LOXL2: variants seen among roughly 807,000 people sequenced by gnomAD.
LOXL2 encodes lysyl oxidase like 2, also known as lysyl oxidase homolog 2.
In LOXL2, 70 loss-of-function variants were observed where a neutral mutation model predicts 93.0. The observed-to-expected ratio is 0.75, with a 90% CI of 0.62 to 0.92. LOXL2 has a LOEUF of 0.92. LOXL2 is among the 40% of genes least tolerant of loss of function. The pLI is 0.00. For synonymous variants in LOXL2, 438 were observed against 413.2 expected, an observed-to-expected ratio of 1.06 and a Z score of -0.73; for missense variants, 973 against 1,054.9, an observed-to-expected ratio of 0.92 and a Z score of 1.08.
intron 1 of LOXL2, among the ~76,000 whole-genome samples, chr8:23,383,979 T>A (rs985204262): frequency 2.0e-5 from 3 of 152,126 alleles, no homozygotes; most frequent in Non-Finnish European, 4.4e-5. Context: ...TTTCTAGATA[T>A]GAATTTTACC....
intron 1 of LOXL2, among the ~76,000 whole-genome samples, chr8:23,379,233 A>C (rs1468886472): frequency 6.7e-6 from 1 of 150,016 alleles, no homozygotes. Context: ...TATCAGCAGC[A>C]GAGGCTGCAG....
chr8:23,304,864 G>A (rs1803204100), intron 10 of LOXL2, among the ~76,000 whole-genome samples: 2 of 152,176 alleles, frequency 1.3e-5, no homozygotes, highest in African/African-American at 2.4e-5. Flanking sequence ...GTGGGGGCAC[G>A]GGGAACGGGG....
intron 1 of LOXL2, among the ~76,000 whole-genome samples, chr8:23,385,527 T>TG (rs1804747135): frequency 6.6e-6 from 1 of 152,092 alleles, no homozygotes; most frequent in Admixed American, 6.6e-5. Context: ...CCCAAAGTGC[T>TG]GGGATTACAG....
At chr8:23,305,904 C>T (rs528786072) in intron 10 of LOXL2, among the ~76,000 whole-genome samples, 26 of 151,892 alleles carry the variant, frequency 1.7e-4, no homozygotes, top group Non-Finnish European at 2.6e-4. Flanking sequence ...CTCTGTCTCC[C>T]GGGTTCAAGC....
intron 4 of LOXL2, among the ~76,000 whole-genome samples, chr8:23,335,447 A>G (rs1179579202): frequency 2.0e-5 from 3 of 152,204 alleles, no homozygotes; most frequent in East Asian, 1.9e-4. Context: ...TGTGAAATAA[A>G]TAAGTAAATA....
At chr8:23,299,580 G>GGA (rs1316846547) in intron 12 of LOXL2, among the ~76,000 whole-genome samples, 1 of 152,200 alleles carries the variant, frequency 6.6e-6, no homozygotes, top group East Asian at 1.9e-4. Flanking sequence ...ACATATTCTG[G>GGA]GAGAGTGTCT....
chr8:23,378,164 G>C (rs902756515), intron 1 of LOXL2, among the ~76,000 whole-genome samples: 1 of 152,158 alleles, frequency 6.6e-6, no homozygotes, highest in East Asian at 1.9e-4. Flanking sequence ...GCATTTGCTT[G>C]TCTGTAAAGG....
chr8:23,320,345 T>C (rs1563189363), intron 7 of LOXL2, among the ~76,000 whole-genome samples: 1 of 152,210 alleles, frequency 6.6e-6, no homozygotes, highest in Non-Finnish European at 1.5e-5. Flanking sequence ...GGGGCTGCTC[T>C]TTGGGAGGAT....
At chr8:23,397,620 T>C (rs975882978) in intron 1 of LOXL2, among the ~76,000 whole-genome samples, 1 of 151,596 alleles carries the variant, frequency 6.6e-6, no homozygotes, top group African/African-American at 2.4e-5. Context: ...CTACTAAAAA[T>C]AGAAAACATT....
intron 1 of LOXL2, among the ~76,000 whole-genome samples, chr8:23,397,134 T>C (rs1443389304): frequency 6.6e-6 from 1 of 152,226 alleles, no homozygotes; most frequent in African/African-American, 2.4e-5. Flanking sequence ...TCCACTTATA[T>C]GAAGTACCTA....
At chr8:23,327,467 C>A (rs1201846131) in intron 6 of LOXL2, among the ~76,000 whole-genome samples, 1 of 152,170 alleles carries the variant, frequency 6.6e-6, no homozygotes, top group Non-Finnish European at 1.5e-5. Context: ...CTGGACAGGC[C>A]ACCCCACCGC....
chr8:23,368,201 CG>C lies in LOXL2; in HGVS notation c.150del (p.Ala51ProfsTer73). On this transcript the variant is annotated frameshift_variant, in exon 2 of 14. Transcript: ENST00000389131. LOFTEE classifies it high-confidence loss of function. ...PAPEYHQPQA[P>X]ANVAKIQLRL... ...CGCAGCTGAATCTTGGCCACGTTGG[CG>C]GGGGCCTGGGGCTGGTGATACTCAG... is the stretch of plus-strand genomic sequence containing the variant. 6.2e-7 allele frequency: 1 copy of C among 1,613,988 alleles called. No homozygotes were observed. The highest frequency in any genetic ancestry group is 8.5e-7 in the Non-Finnish European group (1 of 1,180,024).
At chr8:23,311,670 G>A (rs1410322096) in intron 9 of LOXL2, among the ~76,000 whole-genome samples, 2 of 152,220 alleles carry the variant, frequency 1.3e-5, no homozygotes, top group Non-Finnish European at 2.9e-5. Flanking sequence ...AGAACTCCTA[G>A]GTGGCATCCT....
chr8:23,315,754 C>T (rs1282547911), intron 9 of LOXL2, among the ~76,000 whole-genome samples: 1 of 152,188 alleles, frequency 6.6e-6, no homozygotes, highest in East Asian at 1.9e-4. Flanking sequence ...AAATTAACCC[C>T]TCCCTGGCTC....
At chr8:23,378,859 T>G (rs1203733034) in intron 1 of LOXL2, among the ~76,000 whole-genome samples, 2 of 152,286 alleles carry the variant, frequency 1.3e-5, no homozygotes, top group African/African-American at 4.8e-5. Flanking sequence ...TTTTCAAGGT[T>G]TTTAGCTTAT....
chr8:23,303,885 G>A (rs965881523), intron 10 of LOXL2, among the ~76,000 whole-genome samples: 4 of 152,238 alleles, frequency 2.6e-5, no homozygotes, highest in Non-Finnish European at 4.4e-5. Context: ...TTAAGGGGGA[G>A]CAGCAGAAAG....
chr8:23,335,688 G>C (rs1803777735), intron 4 of LOXL2, among the ~76,000 whole-genome samples: 1 of 152,176 alleles, frequency 6.6e-6, no homozygotes, highest in African/African-American at 2.4e-5. Flanking sequence ...TAAGATGCCA[G>C]AAGGAGCCAG....
chr8:23,401,063 G>C (rs1800146869), intron 1 of LOXL2, among the ~76,000 whole-genome samples: 3 of 152,302 alleles, frequency 2.0e-5, no homozygotes, highest in South Asian at 2.1e-4. Context: ...TGGAGAACCA[G>C]AACCACCGAA....
rs577223373 is a variant in LOXL2 at position 23,322,313 on chromosome 8, A to C, written c.1151-32T>G. On this transcript the variant is annotated intron_variant, in intron 6 of 13. Coordinates refer to ENST00000389131, the MANE Select transcript of LOXL2 (RefSeq NM_002318.3). ...GGGGAGAATAAACATGCTCTATGAA[A>C]GCTTTGGAAGGAAACTTTCTGGAGT... The C allele has an allele frequency of 2.2e-5, 35 of 1,598,628 alleles. 1 individual carries two copies. In the East Asian group the frequency reaches 4.0e-4, roughly 18 times the overall value.
Sources: allele counts gnomAD v4.1 joint callset (sites outside exome capture counted in the v4.1 genomes callset), GRCh38; gene constraint gnomAD v4.1.1; transcripts MANE v1.5; gene names NCBI Gene and HGNC (gene_info 2026-07-23, HGNC 2026-07-21).